Variants in SDK1 observed in about 807,000 individuals in gnomAD.
SDK1 encodes sidekick cell adhesion molecule 1.
Under a neutral mutation model 245.5 loss-of-function variants are expected in SDK1, and 157 were observed. The ratio of observed to expected loss-of-function variants is 0.64; its 90% confidence interval spans 0.56 to 0.73. The LOEUF (loss-of-function observed/expected upper bound fraction) is 0.73, where lower values mean the gene tolerates loss of function less well. SDK1 is among the 30% of genes least tolerant of loss of function. The probability of loss-of-function intolerance (pLI) is 0.00; values close to 1 mark genes in which losing one functional copy is unlikely to be tolerated. For synonymous variants in SDK1, 1,647 were observed against 1,278.5 expected (o/e 1.29, Z -6.15); for missense variants, 3,583 against 3,002.3 (o/e 1.19, Z -4.52).
intron 5 of SDK1, among the ~76,000 whole-genome samples, chr7:3,879,314 A>C (rs566686475): frequency 6.6e-6 from 1 of 152,208 alleles, no homozygotes; most frequent in African/African-American, 2.4e-5. Context: ...TTTGGTTTCA[A>C]GTCACAATTT....
At chr7:3,629,061 G>C (rs1267936096) in intron 2 of SDK1, among the ~76,000 whole-genome samples, 4 of 151,760 alleles carry the variant, frequency 2.6e-5, no homozygotes, top group Non-Finnish European at 5.9e-5. Flanking sequence ...GGGAGGCGGA[G>C]ACGGGCAGAT....
At chr7:3,379,744 G>C (rs1420377343) in intron 1 of SDK1, among the ~76,000 whole-genome samples, 1 of 152,132 alleles carries the variant, frequency 6.6e-6, no homozygotes, top group African/African-American at 2.4e-5. Flanking sequence ...GAAATATATA[G>C]ACACATACAT....
At chr7:4,000,062 G>C (rs940266851) in intron 14 of SDK1, among the ~76,000 whole-genome samples, 1 of 152,210 alleles carries the variant, frequency 6.6e-6, no homozygotes, top group African/African-American at 2.4e-5. Context: ...AAGGAAAGCA[G>C]GAGGCTGAGG....
At chr7:3,580,875 G>C (rs540085466) in intron 1 of SDK1, among the ~76,000 whole-genome samples, 2 of 149,724 alleles carry the variant, frequency 1.3e-5, no homozygotes, top group Non-Finnish European at 3.0e-5. Flanking sequence ...GGCTGAGGCA[G>C]GAGAATCGCT....
In SDK1 at chr7:4,065,694, G is replaced by GTTTTTTTTT. The variant is rs749991713; in HGVS notation, c.2912-2117_2912-2109dup. Among the ~76,000 whole-genome samples the GTTTTTTTTT allele has an allele frequency of 1.9e-3, 124 of 66,708 alleles. 12 individuals are homozygous for GTTTTTTTTT. Among genetic ancestry groups the GTTTTTTTTT allele is most frequent in the Admixed American group, 2.4e-3 (9 of 3,704 alleles). 43.8% of individuals were successfully genotyped at this position (66,708 alleles called of 152,430 possible). A position where few individuals can be genotyped will look rare whatever the true frequency, so the allele number is the denominator to read the frequency against. ...AGTTTCACCCAGATGAGTGGTTGTT[G>GTTTTTTTTT]TTTTTTTTTTTTTTTTTTTTTTTTT... On this transcript the variant is annotated intron_variant, in intron 19 of 44. Transcript: ENST00000404826.
At chr7:4,042,631 G>A (rs1788715414) in intron 17 of SDK1, among the ~76,000 whole-genome samples, 1 of 91,840 alleles carries the variant, frequency 1.1e-5, no homozygotes, top group South Asian at 3.0e-4. Context: ...AATCATCCGG[G>A]GAGGAAGTGT....
intron 1 of SDK1, among the ~76,000 whole-genome samples, chr7:3,582,044 G>T (rs1411465719): frequency 6.6e-6 from 1 of 150,996 alleles, no homozygotes; most frequent in Non-Finnish European, 1.5e-5. Context: ...TCTCAGGTAG[G>T]TCTCCCTCAG....
At chr7:3,998,205 C>G (rs1000942924) in intron 14 of SDK1, among the ~76,000 whole-genome samples, 1 of 152,228 alleles carries the variant, frequency 6.6e-6, no homozygotes, top group African/African-American at 2.4e-5. Flanking sequence ...AGCTCCCGCC[C>G]CAACTCGTAA....
At chr7:4,160,590 G>C (rs1781050965) in intron 31 of SDK1, among the ~76,000 whole-genome samples, 1 of 152,244 alleles carries the variant, frequency 6.6e-6, no homozygotes, top group South Asian at 2.1e-4. Flanking sequence ...CCCTCGGCAA[G>C]ATAGGGAGAG....
intron 14 of SDK1, among the ~76,000 whole-genome samples, chr7:3,992,790 C>T (rs1365668388): frequency 2.6e-5 from 4 of 152,130 alleles, no homozygotes; most frequent in South Asian, 4.2e-4. Flanking sequence ...CGCTTTCCAT[C>T]GTCTTTGGGC....
intron 32 of SDK1, among the ~76,000 whole-genome samples, chr7:4,163,542 C>T (rs1781304474): frequency 6.6e-6 from 1 of 152,140 alleles, no homozygotes; most frequent in African/African-American, 2.4e-5. Context: ...CCAGACAGAG[C>T]ATCTCCCAGG....
intron 1 of SDK1, among the ~76,000 whole-genome samples, chr7:3,442,102 G>C (rs1173798781): frequency 6.6e-6 from 1 of 152,186 alleles, no homozygotes; most frequent in Non-Finnish European, 1.5e-5. Context: ...GATTATGATA[G>C]ATTTAAGCCA....
At chr7:3,425,402 T>C (rs1187839844) in intron 1 of SDK1, among the ~76,000 whole-genome samples, 1 of 152,246 alleles carries the variant, frequency 6.6e-6, no homozygotes, top group Non-Finnish European at 1.5e-5. Flanking sequence ...AGTAACTCTT[T>C]GGTAACCCAT....
chr7:3,341,793 G>A (rs1218783673), intron 1 of SDK1, among the ~76,000 whole-genome samples: 1 of 152,182 alleles, frequency 6.6e-6, no homozygotes, highest in Non-Finnish European at 1.5e-5. Flanking sequence ...GGACCCAAAT[G>A]TTGCCACAAA....
intron 5 of SDK1, among the ~76,000 whole-genome samples, chr7:3,903,164 A>C (rs1373938799): frequency 9.3e-6 from 1 of 107,330 alleles, no homozygotes; most frequent in Admixed American, 9.9e-5. Context: ...TTTTTTTTTG[A>C]GACAGACGAG....
At chr7:4,129,758 A>G in intron 26 of SDK1, 150 bp from the exon 27 acceptor site, 1 of 1,458,318 alleles carries the variant, frequency 6.9e-7, no homozygotes, top group Non-Finnish European at 9.0e-7. Flanking sequence ...AGCATGGACA[A>G]ATTAGATCCA....
chr7:4,062,598 CTCATTTTATGAG>C (rs1292311865), intron 19 of SDK1, among the ~76,000 whole-genome samples: 1 of 152,180 alleles, frequency 6.6e-6, no homozygotes, highest in East Asian at 1.9e-4. Context: ...TTCTTTCTAA[CTCATTTTATGAG>C]GTCAGTGTTA....
chr7:3,896,228 A>C (rs937302377), intron 5 of SDK1, among the ~76,000 whole-genome samples: 4 of 152,180 alleles, frequency 2.6e-5, no homozygotes, highest in African/African-American at 9.7e-5. Flanking sequence ...CCCTGTGTAC[A>C]TTCAGCTTTT....
chr7:4,025,022 A>G (rs1027641318), intron 17 of SDK1, among the ~76,000 whole-genome samples: 5 of 92,168 alleles, frequency 5.4e-5, no homozygotes, highest in Non-Finnish European at 9.5e-5. Context: ...GCATTCACAC[A>G]CACACACACA....
Sources: gnomAD v4.1 joint callset for allele counts (sites outside exome capture counted in the v4.1 genomes callset) on GRCh38, gnomAD v4.1.1 for gene constraint, MANE v1.5 for transcripts, NCBI Gene and HGNC (gene_info 2026-07-23, HGNC 2026-07-21) for gene names.